Variants in AP4S1 observed in about 807,000 individuals in gnomAD.
The protein encoded by AP4S1 is adaptor related protein complex 4 subunit sigma 1, also known as AP-4 complex subunit sigma-1.
In AP4S1, 23 loss-of-function variants were observed where a neutral mutation model predicts 19.8. The observed-to-expected ratio is 1.16, with a 90% CI of 0.84 to 1.65. The LOEUF is 1.65. Among genes scored for constraint, AP4S1 ranks in the 40% most tolerant of loss-of-function variants. The pLI, the probability that AP4S1 is intolerant of heterozygous loss-of-function variation, is 0.00. For missense variants in AP4S1, 166 were observed against 172.8 expected, an observed-to-expected ratio of 0.96 and a Z score of 0.22; for synonymous variants, 46 against 54.1, an observed-to-expected ratio of 0.85 and a Z score of 0.66.
At chr14:31,070,533 C>T (rs539212755) in intron 3 of AP4S1, among the ~76,000 whole-genome samples, 1 of 152,290 alleles carries the variant, frequency 6.6e-6, no homozygotes, top group South Asian at 2.1e-4. Flanking sequence ...CAGGCACAAG[C>T]CACTGTGCCT....
At position 31,093,247 on chromosome 14, in the gene AP4S1, TGAGA is replaced by T. The variant is rs1888123665; in HGVS notation, c.*217_*220del. 7.3e-6 allele frequency: 3 copies of T among 410,522 alleles called. No individual in the cohort carries two copies. Among genetic ancestry groups the T allele is most frequent in the Non-Finnish European group, 1.3e-5 (3 of 238,528 alleles). 25.4% of individuals were successfully genotyped at this position (410,522 alleles called of 1,614,324 possible). ...TACAAAGAAAAAAATTTCTTTAAAC[TGAGA>T]GAGAAGTTTTATTTTCTAATTGTAA... On this transcript the variant is annotated 3_prime_UTR_variant, in exon 6 of 6. Transcript: ENST00000542754.
intron 1 of AP4S1, among the ~76,000 whole-genome samples, chr14:31,028,194 T>C (rs997327920): frequency 1.3e-5 from 2 of 151,994 alleles, no homozygotes; most frequent in African/African-American, 4.8e-5. Flanking sequence ...TTTTTTTTTT[T>C]TGAGACAGGG....
chr14:31,076,764 C>A (rs1274408881), intron 4 of AP4S1, among the ~76,000 whole-genome samples: 1 of 151,982 alleles, frequency 6.6e-6, no homozygotes, highest in Non-Finnish European at 1.5e-5. Flanking sequence ...CTGTGTCTAG[C>A]CTTACATCAG....
chr14:31,040,802 A>G (rs1264330736), intron 1 of AP4S1, among the ~76,000 whole-genome samples: 3 of 152,140 alleles, frequency 2.0e-5, no homozygotes, highest in African/African-American at 7.2e-5. Context: ...TTTTTCAGAT[A>G]TACTACTAGA....
At chr14:31,073,144 G>A in intron 4 of AP4S1, 171 bp downstream of exon 4, 1 of 624,272 alleles carries the variant, frequency 1.6e-6, no homozygotes, top group South Asian at 1.6e-5. Flanking sequence ...TATCCAAAGT[G>A]TTACAAGCCT....
intron 1 of AP4S1, among the ~76,000 whole-genome samples, chr14:31,064,746 T>A (rs1422583799): frequency 6.6e-6 from 1 of 152,180 alleles, no homozygotes; most frequent in Non-Finnish European, 1.5e-5. Context: ...CACTTGAGCC[T>A]AAGTGTTCAA....
intron 2 of AP4S1, among the ~76,000 whole-genome samples, chr14:31,067,339 T>G (rs1439475840): frequency 6.6e-6 from 1 of 151,772 alleles, no homozygotes; most frequent in Non-Finnish European, 1.5e-5. Context: ...TTGTTACATA[T>G]GTATACATGT....
At chr14:31,044,993 C>T (rs1260570417) in intron 1 of AP4S1, among the ~76,000 whole-genome samples, 1 of 151,858 alleles carries the variant, frequency 6.6e-6, no homozygotes, top group Non-Finnish European at 1.5e-5. Flanking sequence ...CCTCCACCTC[C>T]CGGGTTCAAG....
chr14:31,076,896 A>T (rs752080221), intron 4 of AP4S1, among the ~76,000 whole-genome samples: 7 of 152,306 alleles, frequency 4.6e-5, no homozygotes, highest in Non-Finnish European at 1.0e-4. Context: ...TTAGTTAGAC[A>T]TTCTTGAGAA....
At chr14:31,077,887 C>T (rs1332666066) in intron 4 of AP4S1, among the ~76,000 whole-genome samples, 1 of 152,014 alleles carries the variant, frequency 6.6e-6, no homozygotes, top group African/African-American at 2.4e-5. Context: ...AGGCACGTGC[C>T]ACCACACCCA....
chr14:31,091,235 A>G (rs552495546), intron 5 of AP4S1, among the ~76,000 whole-genome samples: 1 of 152,332 alleles, frequency 6.6e-6, no homozygotes, highest in East Asian at 1.9e-4. Flanking sequence ...AAAGAAAGTT[A>G]TCTTGGAGAA....
chr14:31,037,536 A>G (rs1884853841), intron 1 of AP4S1, among the ~76,000 whole-genome samples: 1 of 152,322 alleles, frequency 6.6e-6, no homozygotes, highest in Non-Finnish European at 1.5e-5. Context: ...TCCGACCACT[A>G]TTAAAGTCAT....
At chr14:31,037,537 T>A (rs965219298) in intron 1 of AP4S1, among the ~76,000 whole-genome samples, 2 of 152,202 alleles carry the variant, frequency 1.3e-5, no homozygotes, top group African/African-American at 4.8e-5. Flanking sequence ...CCGACCACTA[T>A]TAAAGTCATT....
At chr14:31,040,688 T>A (rs1330724743) in intron 1 of AP4S1, among the ~76,000 whole-genome samples, 1 of 152,120 alleles carries the variant, frequency 6.6e-6, no homozygotes, top group African/African-American at 2.4e-5. Flanking sequence ...ATAAAACAAT[T>A]TGGATTTAAA....
intron 1 of AP4S1, among the ~76,000 whole-genome samples, chr14:31,042,503 G>A (rs1422432364): frequency 6.6e-6 from 1 of 152,108 alleles, no homozygotes; most frequent in African/African-American, 2.4e-5. Flanking sequence ...TTGATTGACA[G>A]TCTACTCTCA....
intron 1 of AP4S1, among the ~76,000 whole-genome samples, chr14:31,037,228 C>T (rs1400920823): frequency 6.7e-6 from 1 of 148,736 alleles, no homozygotes; most frequent in Non-Finnish European, 1.5e-5. Flanking sequence ...CCTGTATCTT[C>T]CTCCTGTTCT....
chr14:31,085,938 G>C (rs1023588258), intron 5 of AP4S1: 13 of 622,178 alleles, frequency 2.1e-5, no homozygotes, highest in South Asian at 7.1e-5. Flanking sequence ...GACATAGGAA[G>C]GGCATCAATG....
At chr14:31,080,548 C>T (rs1479946505) in intron 4 of AP4S1, 25 bp from the exon 5 acceptor site, 2 of 1,589,480 alleles carry the variant, frequency 1.3e-6, no homozygotes, top group African/African-American at 1.3e-5. Context: ...TTTTCTAACC[C>T]TTGCACTCTT....
chr14:31,038,903 C>G (rs1315440050), intron 1 of AP4S1, among the ~76,000 whole-genome samples: 2 of 151,812 alleles, frequency 1.3e-5, no homozygotes, highest in Non-Finnish European at 1.5e-5. Context: ...TACTGCCTTT[C>G]AAGTTATAGC....
Sources: allele counts gnomAD v4.1 joint callset (sites outside exome capture counted in the v4.1 genomes callset), GRCh38; gene constraint gnomAD v4.1.1; transcripts MANE v1.5; gene names NCBI Gene and HGNC (gene_info 2026-07-23, HGNC 2026-07-21).